The following CNOT2 variants were observed in gnomAD, a reference collection of about 807,000 sequenced individuals.
CNOT2 encodes CCR4-NOT transcription complex subunit 2, also known as CC chemokine receptor 4-negative regulator of transcription 2.
In CNOT2, 7 loss-of-function variants were observed where a neutral mutation model predicts 72.1. That is an observed-to-expected ratio of 0.10 (90% CI 0.06 to 0.18). The LOEUF is 0.18. Ranked by LOEUF, CNOT2 falls within the 10% of genes least tolerant of loss-of-function variation. The pLI, the probability that CNOT2 is intolerant of heterozygous loss-of-function variation, is 1.00. For missense variants in CNOT2, 345 were observed against 660.3 expected (o/e 0.52, Z 5.23); for synonymous variants, 196 against 225.6 (o/e 0.87, Z 1.17).
intron 15 of CNOT2, 41 bp from the exon 16 acceptor site, chr12:70,353,788 A>T (rs1883163597): frequency 1.9e-6 from 3 of 1,594,618 alleles, no homozygotes; most frequent in South Asian, 1.2e-5. Flanking sequence ...ATGTAAAATG[A>T]AAAGGGGAAG....
At chr12:70,346,154 A>T in intron 14 of CNOT2, 26 bp from the exon 15 acceptor site, 1 of 1,541,508 alleles carries the variant, frequency 6.5e-7, no homozygotes, top group Non-Finnish European at 8.9e-7. Context: ...GAAAAAGTTA[A>T]TTATCTTTTC....
chr12:70,301,703 A>C (rs533949203), intron 2 of CNOT2: 24 of 152,326 alleles, frequency 1.6e-4, no homozygotes, highest in African/African-American at 5.3e-4. Flanking sequence ...TGTCTCTGCC[A>C]GGCTTTGGTA....
rs1883208499 is a variant in CNOT2, at chr12:70,354,074, G to A, written c.*159G>A. The A allele has an allele frequency of 2.3e-6, 3 of 1,295,866 alleles. No individual in the cohort carries two copies. The highest frequency in any genetic ancestry group is 6.6e-5 in the Admixed American group (2 of 30,222). 80.3% of individuals were successfully genotyped at this position (1,295,866 alleles called of 1,614,324 possible). On this transcript the variant is annotated 3_prime_UTR_variant, in exon 16 of 16. Transcript: ENST00000229195. ...CTTACGCAAAAGGTCACCATTTGAG[G>A]TCCTGCCTTACTAATTATGTGCTGC...
chr12:70,276,549 T>A (rs1435618817), intron 1 of CNOT2, among the ~76,000 whole-genome samples: 1 of 151,988 alleles, frequency 6.6e-6, no homozygotes, highest in African/African-American at 2.4e-5. Context: ...ATAATCTTGC[T>A]TTCTTTTTGT....
intron 13 of CNOT2, 162 bp from the exon 14 acceptor site, chr12:70,343,966 A>G: frequency 2.2e-6 from 1 of 447,362 alleles, no homozygotes; most frequent in Non-Finnish European, 3.9e-6. Flanking sequence ...ATTCCCTTTT[A>G]GAATCTTAAC....
rs140875985 is a variant in CNOT2 at position 70,311,924 on chromosome 12, T to C, written c.171+907T>C. ...CTTGTTTTTCTTTGAAGTTGATCAT[T>C]AGTAAATCACTTCCTTTGACTTTGC... On this transcript the variant is annotated intron_variant, in intron 3 of 15. Transcript: ENST00000229195. Among the ~76,000 whole-genome samples, 3 of 152,130 alleles carry C rather than the reference T, an allele frequency of 2.0e-5. No homozygotes were observed. In the East Asian group the frequency reaches 5.8e-4, roughly 29 times the overall value.
At chr12:70,256,280 G>C (rs1433463008) in intron 1 of CNOT2, among the ~76,000 whole-genome samples, 1 of 151,912 alleles carries the variant, frequency 6.6e-6, no homozygotes, top group African/African-American at 2.4e-5. Context: ...TTTATCAATT[G>C]GCCCAGAAAA....
chr12:70,291,837 T>C (rs962435467), intron 2 of CNOT2, among the ~76,000 whole-genome samples: 1 of 152,134 alleles, frequency 6.6e-6, no homozygotes, highest in African/African-American at 2.4e-5. Context: ...CTTGGGAGGC[T>C]GAGGCAGGAG....
intron 8 of CNOT2, 102 bp from the exon 9 acceptor site, chr12:70,337,284 AAAG>A (rs1880832501): frequency 4.3e-6 from 4 of 925,292 alleles, no homozygotes; most frequent in African/African-American, 3.3e-5. Context: ...GCATTAAAAA[AAAG>A]AAACCTTTTG....
chr12:70,268,059 AT>A (rs1317376258), intron 1 of CNOT2, among the ~76,000 whole-genome samples: 1 of 151,974 alleles, frequency 6.6e-6, no homozygotes, highest in East Asian at 1.9e-4. Context: ...CATATTTTCC[AT>A]TTTTTTCCCA....
chr12:70,305,876 T>TG (rs747864596), intron 2 of CNOT2, among the ~76,000 whole-genome samples: 2 of 146,898 alleles, frequency 1.4e-5, no homozygotes, highest in African/African-American at 2.5e-5. Context: ...GAAGTTTGTT[T>TG]TTTTTTTTTT....
chr12:70,278,096 A>G (rs1378102916), intron 1 of CNOT2, 36 bp from the exon 2 acceptor site: 5 of 610,468 alleles, frequency 8.2e-6, no homozygotes, highest in Non-Finnish European at 1.5e-5. Context: ...TTTACATGTT[A>G]GTAATTTTGA....
chr12:70,339,904 T>C (rs1881265844), intron 11 of CNOT2, among the ~76,000 whole-genome samples: 1 of 152,188 alleles, frequency 6.6e-6, no homozygotes, highest in South Asian at 2.1e-4. Flanking sequence ...TTTTCCACCC[T>C]ATTACCATAA....
intron 1 of CNOT2, among the ~76,000 whole-genome samples, chr12:70,265,964 T>A (rs9919819): frequency 0.077 from 11,708 of 151,736 alleles, 567 homozygotes; most frequent in Admixed American, 0.15. Flanking sequence ...GTAATTCTCT[T>A]ATAGTCAGAA....
chr12:70,300,281 T>C (rs1458077118), intron 2 of CNOT2, among the ~76,000 whole-genome samples: 3 of 152,226 alleles, frequency 2.0e-5, no homozygotes, highest in Non-Finnish European at 4.4e-5. Flanking sequence ...GTTTTAGACA[T>C]GAAGTCCTTG....
intron 9 of CNOT2, 85 bp from the exon 10 acceptor site, chr12:70,338,354 TAAAG>T (rs1294293577): frequency 9.1e-7 from 1 of 1,097,810 alleles, no homozygotes; most frequent in Non-Finnish European, 1.3e-6. Context: ...TTAAATGTAA[TAAAG>T]AATAAATAGC....
At chr12:70,322,005 G>A (rs757286683) in intron 4 of CNOT2, 2 of 151,698 alleles carry the variant, frequency 1.3e-5, no homozygotes, top group Non-Finnish European at 2.9e-5. Flanking sequence ...ACTGTACATG[G>A]AATGATAACT....
In CNOT2 at chr12:70,267,419, T is replaced by C. The variant is rs1224530661; in HGVS notation, c.-95-10713T>C. Among the ~76,000 whole-genome samples the C allele has an allele frequency of 2.0e-5, 3 of 152,220 alleles. No homozygotes were observed. The East Asian group carries it at 5.8e-4, about 29-fold the overall frequency. Reference sequence around the variant, plus strand: ...CCACTGTGTTTCTGTACTTAATCGCTCCTTTCTTTTGTGAAGACACAAGTC... The same window carrying C: ...CCACTGTGTTTCTGTACTTAATCGCCCCTTTCTTTTGTGAAGACACAAGTC... On this transcript the variant is annotated intron_variant, in intron 1 of 15. Coordinates refer to ENST00000229195, the MANE Select transcript of CNOT2 (RefSeq NM_014515.7).
chr12:70,327,158 T>C (rs575097168), intron 4 of CNOT2, among the ~76,000 whole-genome samples: 351 of 152,014 alleles, frequency 2.3e-3, no homozygotes, highest in Middle Eastern at 0.014. Context: ...AAAAGGGCAC[T>C]AATTTTTGGA....
Sources: allele counts gnomAD v4.1 joint callset (sites outside exome capture counted in the v4.1 genomes callset), GRCh38; gene constraint gnomAD v4.1.1; transcripts MANE v1.5; gene names NCBI Gene and HGNC (gene_info 2026-07-23, HGNC 2026-07-21).